The following SEPTIN2 variants were observed in gnomAD, a reference collection of about 807,000 sequenced individuals.
The protein encoded by SEPTIN2 is septin-2.
Under a neutral mutation model 46.5 loss-of-function variants are expected in SEPTIN2, and 34 were observed. That is an observed-to-expected ratio of 0.73 (90% CI 0.56 to 0.97). The LOEUF is 0.97. Ranked by LOEUF, SEPTIN2 falls within the 50% of genes least tolerant of loss-of-function variation. SEPTIN2 has a pLI of 0.00. For synonymous variants in SEPTIN2, 175 were observed against 153.4 expected (o/e 1.14, Z -1.04); for missense variants, 347 against 448.4 (o/e 0.77, Z 2.04).
chr2:241,317,511 G>A, intron 1 of SEPTIN2: 2 of 983,636 alleles, frequency 2.0e-6, no homozygotes, highest in Non-Finnish European at 2.4e-6. Flanking sequence ...TACAGAAACT[G>A]CTGTAAAAGA....
rs1320101479 is a variant in SEPTIN2 at position 241,353,772 on chromosome 2, T to G, written c.*1835T>G. The G allele has an allele frequency of 2.6e-5, 4 of 153,308 alleles. No individual in the cohort carries two copies. The highest frequency in any genetic ancestry group is 5.9e-5 in the Non-Finnish European group (4 of 68,030). The allele number at this position is 153,308 out of a possible 1,614,324, so 9.5% of individuals were successfully genotyped here. A position where few individuals can be genotyped will look rare whatever the true frequency, so the allele number is the denominator to read the frequency against. ...AGTGACTAAGCCCCGCATATGTGAG[T>G]GAAAGTACTTCAGGCACGCTGCCTC... is the stretch of plus-strand genomic sequence containing the variant. On this transcript the variant is annotated 3_prime_UTR_variant, in exon 13 of 13. Transcript: ENST00000391971.
At chr2:241,316,844 T>G in intron 1 of SEPTIN2, 1 of 282,564 alleles carries the variant, frequency 3.5e-6, no homozygotes, top group East Asian at 6.0e-5. Flanking sequence ...ATCTGGCTAC[T>G]TCCCACCTTA....
chr2:241,316,493 C>G, intron 1 of SEPTIN2: 18 of 1,506,736 alleles, frequency 1.2e-5, no homozygotes, highest in Non-Finnish European at 1.6e-5. Context: ...GAGGGGAGAG[C>G]GACTAGGCCC....
chr2:241,336,395 T>C (rs1382827197), intron 5 of SEPTIN2: 1 of 340,922 alleles, frequency 2.9e-6, no homozygotes, highest in African/African-American at 2.1e-5. Context: ...TAGTACATCC[T>C]TTCTATGTGG....
intron 3 of SEPTIN2, 137 bp downstream of exon 3, chr2:241,326,250 ATG>A: frequency 1.4e-6 from 1 of 704,682 alleles, no homozygotes; most frequent in Non-Finnish European, 2.1e-6. Context: ...GAACAAATAT[ATG>A]TGTATTCATT....
In SEPTIN2 at chr2:241,343,733, T is replaced by C. The variant is rs1038567179; in HGVS notation, c.697-19T>C. The C allele has an allele frequency of 1.2e-6, 2 of 1,613,900 alleles. No individual in the cohort carries two copies. Among genetic ancestry groups the C allele is most frequent in the African/African-American group, 2.7e-5 (2 of 74,926 alleles). On this transcript the variant is annotated intron_variant, in intron 8 of 12. Coordinates refer to ENST00000391971, the MANE Select transcript of SEPTIN2 (RefSeq NM_004404.5). ...GGTTCCCTGTGTGGAGCCTGTCTAC[T>C]CTGTGTGTCTCTTTCTAGGCTAGCA...
chr2:241,330,545 AT>A (rs1275472629), intron 3 of SEPTIN2, among the ~76,000 whole-genome samples: 1 of 152,202 alleles, frequency 6.6e-6, no homozygotes, highest in East Asian at 1.9e-4. Context: ...GCTGATAGAT[AT>A]TTAGGGGTGT....
At chr2:241,319,817 C>G (rs889250346) in intron 1 of SEPTIN2, among the ~76,000 whole-genome samples, 19 of 152,196 alleles carry the variant, frequency 1.2e-4, no homozygotes, top group African/African-American at 4.1e-4. Flanking sequence ...TGGTCTTGAA[C>G]TCCTGAGCTC....
At chr2:241,335,838 T>G in intron 4 of SEPTIN2, 137 bp from the exon 5 acceptor site, 1 of 1,091,942 alleles carries the variant, frequency 9.2e-7, no homozygotes, top group Non-Finnish European at 1.4e-6. Context: ...GGATCTTTTT[T>G]TCTTAATCCC....
chr2:241,320,170 C>G (rs761313048), intron 1 of SEPTIN2: 3 of 468,396 alleles, frequency 6.4e-6, no homozygotes, highest in Non-Finnish European at 1.3e-5. Flanking sequence ...GTGCTGTCTT[C>G]ATAAAACAAA....
chr2:241,348,608 GT>G (rs967539633), intron 11 of SEPTIN2, among the ~76,000 whole-genome samples: 87 of 149,172 alleles, frequency 5.8e-4, no homozygotes, highest in African/African-American at 2.0e-3. Context: ...AAAGTTTATA[GT>G]TTTTTTTTTA....
intron 3 of SEPTIN2, among the ~76,000 whole-genome samples, chr2:241,326,785 C>T (rs1162961440): frequency 6.6e-6 from 1 of 152,176 alleles, no homozygotes; most frequent in Non-Finnish European, 1.5e-5. Context: ...GTGTAAGTGA[C>T]CCGTTTCAGA....
intron 4 of SEPTIN2, 21 bp downstream of exon 4, chr2:241,335,233 C>G: frequency 2.5e-6 from 4 of 1,607,450 alleles, no homozygotes; most frequent in Non-Finnish European, 3.4e-6. Context: ...TCTTATGTTA[C>G]TGTAAGTGTA....
intron 4 of SEPTIN2, chr2:241,335,609 G>A (rs917905246): frequency 3.4e-6 from 2 of 586,120 alleles, no homozygotes; most frequent in Admixed American, 3.0e-5. Context: ...ACAAATGACT[G>A]TTGAATGAAA....
intron 12 of SEPTIN2, among the ~76,000 whole-genome samples, chr2:241,351,165 C>T (rs1368433099): frequency 2.6e-5 from 4 of 152,014 alleles, no homozygotes; most frequent in South Asian, 4.1e-4. Context: ...CAACGACATA[C>T]GGCAGGGTGG....
At chr2:241,340,801 C>G (rs1347685125) in intron 7 of SEPTIN2, among the ~76,000 whole-genome samples, 1 of 152,172 alleles carries the variant, frequency 6.6e-6, no homozygotes. Flanking sequence ...CTCCTTGATG[C>G]CTACCAGTTT....
chr2:241,349,820 T>G (rs1309785147), intron 11 of SEPTIN2, among the ~76,000 whole-genome samples: 4 of 152,204 alleles, frequency 2.6e-5, no homozygotes, highest in Non-Finnish European at 5.9e-5. Context: ...GACTCTGTCT[T>G]AAGAAAATTT....
chr2:241,331,331 TAAAATC>T (rs1225667797), intron 3 of SEPTIN2, among the ~76,000 whole-genome samples: 2 of 152,184 alleles, frequency 1.3e-5, no homozygotes, highest in African/African-American at 4.8e-5. Context: ...TGAGAGAAAT[TAAAATC>T]TAAAGTTGTT....
intron 9 of SEPTIN2, among the ~76,000 whole-genome samples, chr2:241,345,945 T>C (rs917366189): frequency 2.0e-5 from 3 of 152,192 alleles, no homozygotes; most frequent in Non-Finnish European, 4.4e-5. Flanking sequence ...AGTCGAGACC[T>C]GTGTTTGTAT....
Sources: gnomAD v4.1 joint callset for allele counts (sites outside exome capture counted in the v4.1 genomes callset) on GRCh38, gnomAD v4.1.1 for gene constraint, MANE v1.5 for transcripts, NCBI Gene and HGNC (gene_info 2026-07-23, HGNC 2026-07-21) for gene names.